The following NLK variants were observed in gnomAD, a reference collection of about 807,000 sequenced individuals.
NLK encodes the protein serine/threonine-protein kinase NLK.
Under a neutral mutation model 59.0 loss-of-function variants are expected in NLK, and 11 were observed. That is an observed-to-expected ratio of 0.19 (90% CI 0.12 to 0.31). NLK has a LOEUF of 0.31. NLK is among the 10% of genes least tolerant of loss of function. The pLI, the probability that NLK is intolerant of heterozygous loss-of-function variation, is 1.00. For missense variants in NLK, 410 were observed against 661.1 expected (o/e 0.62, Z 4.16); for synonymous variants, 235 against 235.9 (o/e 1.00, Z 0.03).
chr17:28,111,458 AG>A (rs1905475050), intron 1 of NLK, among the ~76,000 whole-genome samples: 1 of 151,984 alleles, frequency 6.6e-6, no homozygotes, highest in Non-Finnish European at 1.5e-5. Flanking sequence ...TACAGGCATG[AG>A]CCATCATGCC....
intron 1 of NLK, among the ~76,000 whole-genome samples, chr17:28,063,174 C>T (rs1429584944): frequency 1.3e-5 from 2 of 152,158 alleles, no homozygotes; most frequent in African/African-American, 2.4e-5. Context: ...TCAAGCTCTC[C>T]GCCCACTTTG....
intron 1 of NLK, among the ~76,000 whole-genome samples, chr17:28,062,969 C>T (rs932642464): frequency 7.2e-5 from 11 of 152,170 alleles, no homozygotes; most frequent in African/African-American, 1.2e-4. Context: ...ACAGCTCTGT[C>T]GCCCAGGTTG....
chr17:28,045,891 A>G lies in NLK; in HGVS notation c.458+2560A>G, dbSNP rs1388221590. Among the ~76,000 whole-genome samples the G allele has an allele frequency of 1.3e-5, 2 of 152,228 alleles. 1 individual carries two copies. The highest frequency in any genetic ancestry group is 4.1e-4 in the South Asian group (2 of 4,830). ...ACAACTTTTTTCTAAAATGATTATA[A>G]TGGAACATAAAAATGTTCTCCCAGT... is the stretch of plus-strand genomic sequence containing the variant. On this transcript the variant is annotated intron_variant, in intron 1 of 10. Transcript: ENST00000407008.
chr17:28,079,888 C>T (rs1910287396), intron 1 of NLK, among the ~76,000 whole-genome samples: 1 of 152,086 alleles, frequency 6.6e-6, no homozygotes, highest in Admixed American at 6.5e-5. Flanking sequence ...AAATAATTGC[C>T]AAATCCAATA....
At chr17:28,075,203 G>A (rs1241055927) in intron 1 of NLK, among the ~76,000 whole-genome samples, 1 of 152,184 alleles carries the variant, frequency 6.6e-6, no homozygotes, top group Non-Finnish European at 1.5e-5. Context: ...AACAGACTCA[G>A]CATTCAGGTG....
Position 28,185,279 on chromosome 17 carries a change from T to C in NLK, c.1236+14T>C. ...GTCTTTGATCCAGTAAGTAGTGTTT[T>C]TTTTTATATATTTTTAATGAATTAC... On this transcript the variant is annotated intron_variant, in intron 8 of 10. Transcript: ENST00000407008. The C allele has an allele frequency of 6.7e-7, 1 of 1,481,614 alleles. No individual in the cohort carries two copies. Among genetic ancestry groups the C allele is most frequent in the Non-Finnish European group, 9.2e-7 (1 of 1,092,254 alleles). The allele number at this position is 1,481,614 out of a possible 1,614,324, so 91.8% of individuals were successfully genotyped here.
At chr17:28,052,409 A>G (rs1909289724) in intron 1 of NLK, among the ~76,000 whole-genome samples, 1 of 152,308 alleles carries the variant, frequency 6.6e-6, no homozygotes, top group East Asian at 1.9e-4. Context: ...GAATTTGGAT[A>G]AGAGAGTTAC....
At chr17:28,117,679 TAA>T (rs1905840126) in intron 1 of NLK, among the ~76,000 whole-genome samples, 2 of 152,188 alleles carry the variant, frequency 1.3e-5, no homozygotes, top group East Asian at 3.8e-4. Flanking sequence ...TTTTTCTTTG[TAA>T]TACAAATTAG....
intron 1 of NLK, among the ~76,000 whole-genome samples, chr17:28,108,332 A>C (rs1045544167): frequency 1.3e-5 from 2 of 152,248 alleles, no homozygotes; most frequent in African/African-American, 4.8e-5. Flanking sequence ...TAAAAGGAAA[A>C]GTAAAGGCAT....
At chr17:28,161,090 A>T in intron 3 of NLK, 70 bp from the exon 4 acceptor site, 1 of 809,536 alleles carries the variant, frequency 1.2e-6, no homozygotes, top group Non-Finnish European at 2.1e-6. Flanking sequence ...GTTATTTTTT[A>T]GATCTGGTCA....
chr17:28,068,128 G>A (rs1316034878), intron 1 of NLK, among the ~76,000 whole-genome samples: 3 of 146,608 alleles, frequency 2.0e-5, no homozygotes, highest in East Asian at 4.0e-4. Context: ...GCCACAGAGC[G>A]AGACTCCGTC....
intron 1 of NLK, among the ~76,000 whole-genome samples, chr17:28,046,296 T>C (rs1432466363): frequency 6.6e-6 from 1 of 152,224 alleles, no homozygotes; most frequent in African/African-American, 2.4e-5. Flanking sequence ...AGTAGTGAAT[T>C]ACTCATTAGC....
chr17:28,050,767 C>T (rs1401205282), intron 1 of NLK, among the ~76,000 whole-genome samples: 2 of 151,980 alleles, frequency 1.3e-5, no homozygotes, highest in Non-Finnish European at 2.9e-5. Context: ...CTAAGTATGG[C>T]AGAAGATTGT....
chr17:28,197,912 G>A (rs958624425), downstream of NLK, among the ~76,000 whole-genome samples: 1 of 152,142 alleles, frequency 6.6e-6, no homozygotes, highest in African/African-American at 2.4e-5. Context: ...TTTACTTCAA[G>A]AAGATGACAT....
At chr17:28,197,324 C>T (rs1909505987), downstream of NLK, among the ~76,000 whole-genome samples, 1 of 151,986 alleles carries the variant, frequency 6.6e-6, no homozygotes, top group Non-Finnish European at 1.5e-5. Context: ...TAAAAATTAG[C>T]CAGGCATGGT....
intron 1 of NLK, among the ~76,000 whole-genome samples, chr17:28,073,162 G>A (rs1281650904): frequency 6.6e-6 from 1 of 152,034 alleles, no homozygotes; most frequent in African/African-American, 2.4e-5. Context: ...AATTCACAGT[G>A]GAGACATATT....
chr17:28,189,433 A>C (rs1909235579), intron 8 of NLK, among the ~76,000 whole-genome samples: 1 of 152,262 alleles, frequency 6.6e-6, no homozygotes, highest in East Asian at 1.9e-4. Context: ...TTCTGTTTAT[A>C]GCACAGAATG....
intron 8 of NLK, among the ~76,000 whole-genome samples, chr17:28,187,067 A>T (rs1479495173): frequency 6.6e-6 from 1 of 152,238 alleles, no homozygotes; most frequent in Non-Finnish European, 1.5e-5. Context: ...TTATATGGTT[A>T]ACAAAACTAG....
chr17:28,149,445 C>T (rs1434170277), intron 3 of NLK, among the ~76,000 whole-genome samples: 2 of 152,142 alleles, frequency 1.3e-5, no homozygotes, highest in East Asian at 3.8e-4. Context: ...GATAAATTGC[C>T]AATTAGTTTG....
Sources: gnomAD v4.1 joint callset for allele counts (sites outside exome capture counted in the v4.1 genomes callset) on GRCh38, gnomAD v4.1.1 for gene constraint, MANE v1.5 for transcripts, NCBI Gene and HGNC (gene_info 2026-07-23, HGNC 2026-07-21) for gene names.